The following C2 variants were observed in gnomAD, a reference collection of about 807,000 sequenced individuals.
C2 encodes C3/C5 convertase.
A neutral mutation model predicts 85.2 loss-of-function variants in C2; 64 were observed. That is an observed-to-expected ratio of 0.75 (90% confidence interval 0.61 to 0.92). C2 has a LOEUF of 0.92. Among genes scored for constraint, C2 ranks in the 40% least tolerant of loss-of-function variants. The pLI is 0.00. For synonymous variants in C2, 311 were observed against 370.8 expected (o/e 0.84, Z 1.85); for missense variants, 820 against 971.6 (o/e 0.84, Z 2.07).
At position 31,943,552 on chromosome 6, in the gene C2, C is replaced by G. The variant is rs746002707; in HGVS notation, c.1567+25C>G. 2 of 1,602,978 alleles carry G rather than the reference C, an allele frequency of 1.2e-6. No individual in the cohort carries two copies. The highest frequency in any genetic ancestry group is 1.1e-5 in the South Asian group (1 of 90,660). On this transcript the variant is annotated intron_variant, in intron 12 of 17. Coordinates refer to ENST00000299367, the MANE Select transcript of C2 (RefSeq NM_000063.6). This position sits in a 1 kb window ranked among gnomAD's most constrained non-coding sequence, Gnocchi z 6.4. ...GGTAAGGCAGGGGATGCACCAGCCT[C>G]CTGATCCTGAAGCCACAGATCCTAC... is the stretch of plus-strand genomic sequence containing the variant.
At chr6:31,899,659 T>G, upstream of C2, 1 of 474,800 alleles carries the variant, frequency 2.1e-6, no homozygotes, top group Non-Finnish European at 3.7e-6. Flanking sequence ...CACATATACA[T>G]GCACTTCTAA....
intron 1 of C2, among the ~76,000 whole-genome samples, chr6:31,905,117 A>G (rs1466780266): frequency 1.3e-5 from 2 of 152,042 alleles, no homozygotes; most frequent in African/African-American, 2.4e-5. Flanking sequence ...GGTGTCAAGA[A>G]CAGATAAATT....
intron 6 of C2, 125 bp downstream of exon 6, chr6:31,934,424 C>T: frequency 3.0e-6 from 4 of 1,338,416 alleles, no homozygotes; most frequent in Non-Finnish European, 4.3e-6. Flanking sequence ...TCAGATTATA[C>T]TCATGCCATG....
At position 31,943,047 on chromosome 6, in the gene C2, C is replaced by T; in HGVS notation, c.1308C>T (p.Ala436=). 1 of 1,613,054 alleles carries T rather than the reference C, an allele frequency of 6.2e-7. No individual in the cohort carries two copies. The highest frequency in any genetic ancestry group is 8.5e-7 in the Non-Finnish European group (1 of 1,180,040). ...LGSKKDGERH[A]FILQDTKALH... ...CCAAGAAGGATGGTGAGAGGCATGC[C>T]TTCATTCTGCAGGACACAAAGGCTC... Residue 436 remains alanine (A), a synonymous_variant, in exon 10 of 18, where the codon GCC becomes GCT. Transcript: ENST00000299367. This position sits in a 1 kb window ranked among gnomAD's most constrained non-coding sequence, Gnocchi z 6.4.
upstream of C2, among the ~76,000 whole-genome samples, chr6:31,915,958 A>G (rs1285419330): frequency 1.3e-5 from 2 of 152,146 alleles, no homozygotes; most frequent in African/African-American, 4.8e-5. Context: ...GGGGGAACCA[A>G]ACGTGTCACA....
chr6:31,932,526 G>C, intron 3 of C2: 1 of 216,764 alleles, frequency 4.6e-6, no homozygotes, highest in South Asian at 4.4e-5. Context: ...TGGGCGGCAG[G>C]GCAGAGACGC....
intron 9 of C2, 83 bp downstream of exon 9, chr6:31,939,403 C>G: frequency 5.6e-6 from 6 of 1,071,568 alleles, no homozygotes; most frequent in Non-Finnish European, 8.7e-6. Flanking sequence ...AGCATCTTAG[C>G]TATGGTCCAG....
At chr6:31,926,785 A>G (rs931616645), upstream of C2, among the ~76,000 whole-genome samples, 1 of 152,174 alleles carries the variant, frequency 6.6e-6, no homozygotes, top group Non-Finnish European at 1.5e-5. Context: ...TTACGAACCT[A>G]AATGATCACT....
intron 1 of C2, among the ~76,000 whole-genome samples, chr6:31,910,434 T>G (rs1008885997): frequency 6.6e-6 from 1 of 151,140 alleles, no homozygotes; most frequent in African/African-American, 2.4e-5. Context: ...GAACAGGTGA[T>G]CCTCCCACCT....
chr6:31,932,880 G>C (rs144585235), intron 3 of C2, among the ~76,000 whole-genome samples: 1 of 152,260 alleles, frequency 6.6e-6, no homozygotes, highest in African/African-American at 2.4e-5. Context: ...TCGGGAGGCC[G>C]AGGCTGGTGG....
chr6:31,901,603 G>C (rs1767280581), intron 1 of C2, among the ~76,000 whole-genome samples: 1 of 151,654 alleles, frequency 6.6e-6, no homozygotes, highest in Non-Finnish European at 1.5e-5. Context: ...CGGAGAAAAA[G>C]GGGGGCCAGA....
chr6:31,908,734 G>A (rs942615833), intron 1 of C2, among the ~76,000 whole-genome samples: 4 of 151,434 alleles, frequency 2.6e-5, no homozygotes, highest in South Asian at 2.1e-4. Context: ...AGCAGCTATC[G>A]ATATCAAGAT....
rs773111671 is a variant in C2, at chr6:31,945,055, C to T, written c.2079+26C>T. 7.4e-6 allele frequency: 12 copies of T among 1,612,614 alleles called. No homozygotes were observed. Among genetic ancestry groups the T allele is most frequent in the Non-Finnish European group, 9.3e-6 (11 of 1,179,848 alleles). ...GTGAGAAGGTAGAAGCTTGCAGGAC[C>T]CAGGGGTTACAGGATCTCAGCCTTG... On this transcript the variant is annotated intron_variant, in intron 17 of 17. Coordinates refer to ENST00000299367, the MANE Select transcript of C2 (RefSeq NM_000063.6). The surrounding 1 kb of genome is among the most constrained non-coding windows in gnomAD (Gnocchi z 5.3).
At position 31,944,832 on chromosome 6, in the gene C2, G is replaced by C; in HGVS notation, c.2008G>C (p.Glu670Gln). ...TDQFLCSGTQ[E>Q]DESPCKGESG... Reference sequence around the variant, plus strand: ...CCAGTTCCTATGCAGTGGGACCCAGGAGGATGAGAGTCCCTGCAAGGGTGA... The same window carrying C: ...CCAGTTCCTATGCAGTGGGACCCAGCAGGATGAGAGTCCCTGCAAGGGTGA... Residue 670 changes from glutamate (E) to glutamine (Q), a missense_variant, in exon 16 of 18, where the codon GAG (glutamate) becomes CAG (glutamine). Coordinates refer to ENST00000299367, the MANE Select transcript of C2 (RefSeq NM_000063.6). The surrounding 1 kb of genome is among the most constrained non-coding windows in gnomAD (Gnocchi z 5.1). 4.3e-6 allele frequency: 7 copies of C among 1,613,082 alleles called. No homozygotes were observed. The highest frequency in any genetic ancestry group is 5.9e-6 in the Non-Finnish European group (7 of 1,180,028).
intron 9 of C2, among the ~76,000 whole-genome samples, chr6:31,940,443 C>T (rs1770792770): frequency 6.6e-6 from 1 of 152,252 alleles, no homozygotes. Context: ...TTGGCAGTTG[C>T]AGCCTCTAAA....
chr6:31,936,911 C>T (rs1303168512), intron 7 of C2: 4 of 221,226 alleles, frequency 1.8e-5, no homozygotes, highest in Non-Finnish European at 3.6e-5. Flanking sequence ...TCAAAACAAT[C>T]GATAAATTGC....
At chr6:31,900,177 G>A, upstream of C2, 1 of 1,614,226 alleles carries the variant, frequency 6.2e-7, no homozygotes, top group Non-Finnish European at 8.5e-7. This position sits in a 1 kb window ranked among gnomAD's most constrained non-coding sequence, Gnocchi z 9.7. Flanking sequence ...ACGTTCATGT[G>A]GCGGTTGAGG....
upstream of C2, chr6:31,900,410 G>C (rs757236754): frequency 5.3e-6 from 8 of 1,501,116 alleles, no homozygotes; most frequent in Non-Finnish European, 7.1e-6. The surrounding 1 kb of genome is among the most constrained non-coding windows in gnomAD (Gnocchi z 9.7). Context: ...CATGGCCACC[G>C]CTGCTGCTTC....
rs138543267 is a variant in C2, at chr6:31,940,305, T to TATC, written c.1219+1003_1219+1005dup. On this transcript the variant is annotated intron_variant, in intron 9 of 17. Transcript: ENST00000299367. ...TAGCCATGACCACGACCGTCGTCGT[T>TATC]ATCATCATCATCATCATCATAGCAT... Among the ~76,000 whole-genome samples the TATC allele has an allele frequency of 4.5e-3, 689 of 152,068 alleles. 7 individuals are homozygous for TATC. Among genetic ancestry groups the TATC allele is most frequent in the Non-Finnish European group, 8.2e-3 (554 of 67,956 alleles).
Sources: gnomAD v4.1 joint callset for allele counts (sites outside exome capture counted in the v4.1 genomes callset) on GRCh38, gnomAD v4.1.1 for gene constraint, Gnocchi (gnomAD v3.1) non-coding constraint, MANE v1.5 for transcripts, NCBI Gene and HGNC (gene_info 2026-07-23, HGNC 2026-07-21) for gene names.